The following ANKRD11 variants were observed in gnomAD, a reference collection of about 807,000 sequenced individuals.
The protein encoded by ANKRD11 is ankyrin repeat domain 11.
ANKRD11 carries 17 observed loss-of-function variants against 195.7 expected under a neutral mutation model. The ratio of observed to expected loss-of-function variants is 0.09; its 90% CI spans 0.06 to 0.13. ANKRD11 has a LOEUF of 0.13. Ranked by LOEUF, ANKRD11 falls within the 10% of genes least tolerant of loss-of-function variation. ANKRD11 has a pLI of 1.00. For missense variants in ANKRD11, 3,735 were observed against 3,566.1 expected (o/e 1.05, Z -1.21); for synonymous variants, 1,953 against 1,528.1 (o/e 1.28, Z -6.49).
intron 1 of ANKRD11, among the ~76,000 whole-genome samples, chr16:89,462,827 G>A (rs1294445672): frequency 6.7e-6 from 1 of 149,350 alleles, no homozygotes; most frequent in Non-Finnish European, 1.5e-5. Flanking sequence ...GAGCCCCTCC[G>A]CCCGGCAGCC....
intron 6 of ANKRD11, chr16:89,289,006 C>T (rs974391873): frequency 3.7e-5 from 15 of 405,826 alleles, no homozygotes; most frequent in Admixed American, 2.7e-4. Flanking sequence ...GATCTGGAGG[C>T]GTATGTGCCT....
chr16:89,310,062 C>T (rs3096300), intron 3 of ANKRD11, among the ~76,000 whole-genome samples: 116,202 of 152,212 alleles, frequency 0.76, 44,791 homozygotes, highest in African/African-American at 0.83. Context: ...AAAATGGCCA[C>T]GTCCAGTTGA....
chr16:89,433,959 G>A (rs889865283), intron 1 of ANKRD11, among the ~76,000 whole-genome samples: 4 of 152,216 alleles, frequency 2.6e-5, no homozygotes, highest in African/African-American at 9.6e-5. Flanking sequence ...TAAGGGAGAA[G>A]GGGACATGGA....
intron 9 of ANKRD11, among the ~76,000 whole-genome samples, chr16:89,275,933 C>G (rs1016644714): frequency 1.3e-5 from 2 of 152,224 alleles, no homozygotes; most frequent in Non-Finnish European, 2.9e-5. Context: ...CAGCAGAGAC[C>G]TCAGGCCCAC....
At chr16:89,371,005 T>C (rs2040168414) in intron 2 of ANKRD11, among the ~76,000 whole-genome samples, 1 of 151,966 alleles carries the variant, frequency 6.6e-6, no homozygotes. Context: ...GCTCTCCTAG[T>C]TGAGAAAAAT....
chr16:89,403,529 G>C (rs528565041), intron 2 of ANKRD11: 26 of 152,086 alleles, frequency 1.7e-4, no homozygotes, highest in African/African-American at 5.8e-4. Context: ...GCTCAACTAC[G>C]ACTGGGCAAT....
chr16:89,305,228 C>T lies in ANKRD11; in HGVS notation c.204G>A (p.Gly68=), dbSNP rs2036113925. The part of the protein sequence containing the change: ...RKLPFTAGAN[G]EQKDSDTEKQ... ...TACCTGTGTCCGAGTCCTTCTGCTC[C>T]CCATTGGCGCCCGCGGTGAAGGGCA... Residue 68 remains glycine (G), a synonymous_variant, in exon 4 of 13, where the codon GGG becomes GGA. Coordinates refer to ENST00000301030, the MANE Select transcript of ANKRD11 (RefSeq NM_013275.6). 6.2e-7 allele frequency: 1 copy of T among 1,613,512 alleles called. No individual in the cohort carries two copies. Among genetic ancestry groups the T allele is most frequent in the Non-Finnish European group, 8.5e-7 (1 of 1,179,882 alleles).
chr16:89,482,289 C>G (rs1039728011), intron 1 of ANKRD11, among the ~76,000 whole-genome samples: 4 of 152,142 alleles, frequency 2.6e-5, no homozygotes, highest in African/African-American at 9.7e-5. Flanking sequence ...TCAGCCACAC[C>G]GTGCTTTACA....
At chr16:89,479,132 C>T (rs977759841) in intron 1 of ANKRD11, among the ~76,000 whole-genome samples, 1 of 152,126 alleles carries the variant, frequency 6.6e-6, no homozygotes, top group African/African-American at 2.4e-5. Context: ...CAAGTCACGC[C>T]ACCACCTACC....
At chr16:89,352,183 C>A (rs955378868) in intron 2 of ANKRD11, among the ~76,000 whole-genome samples, 1 of 152,108 alleles carries the variant, frequency 6.6e-6, no homozygotes, top group Non-Finnish European at 1.5e-5. Context: ...AGCCATTGCA[C>A]CTGGCCGATT....
chr16:89,280,192 G>A lies in ANKRD11; in HGVS notation c.6350C>T (p.Pro2117Leu), dbSNP rs749269329. Residue 2117 changes from proline (P) to leucine (L), a missense_variant, in exon 9 of 13, where the codon CCG (proline) becomes CTG (leucine). Coordinates refer to ENST00000301030, the MANE Select transcript of ANKRD11 (RefSeq NM_013275.6). Reference protein sequence around the residue: ...RGLSHLGQVEPVPWADAFAGP... With the variant: ...RGLSHLGQVELVPWADAFAGP... ...GGCGAAGGCGTCCGCCCAGGGCACCGGCTCCACCTGGCCGAGGTGAGACAG... is the reference window on the plus strand; with the variant it reads ...GGCGAAGGCGTCCGCCCAGGGCACCAGCTCCACCTGGCCGAGGTGAGACAG... The A allele has an allele frequency of 2.9e-5, 46 of 1,608,266 alleles. No individual in the cohort carries two copies. The highest frequency in any genetic ancestry group is 6.6e-5 in the South Asian group (6 of 90,868).
intron 2 of ANKRD11, among the ~76,000 whole-genome samples, chr16:89,384,827 A>G (rs559632849): frequency 6.6e-6 from 1 of 150,892 alleles, no homozygotes; most frequent in South Asian, 2.1e-4. Flanking sequence ...GCAGGTGAGA[A>G]CATACGTGTG....
At chr16:89,455,286 G>A (rs961094724) in intron 1 of ANKRD11, among the ~76,000 whole-genome samples, 10 of 146,088 alleles carry the variant, frequency 6.8e-5, no homozygotes, top group African/African-American at 1.0e-4. Flanking sequence ...TGCTTCTAGC[G>A]TTCCTCAAGC....
chr16:89,380,979 G>T (rs1217581846), intron 2 of ANKRD11, among the ~76,000 whole-genome samples: 1 of 152,126 alleles, frequency 6.6e-6, no homozygotes, highest in Non-Finnish European at 1.5e-5. Flanking sequence ...GGTTCTAAGG[G>T]GCTCCGAGTG....
chr16:89,332,029 C>T (rs2038094539), intron 2 of ANKRD11, among the ~76,000 whole-genome samples: 1 of 152,054 alleles, frequency 6.6e-6, no homozygotes, highest in Admixed American at 6.5e-5. Flanking sequence ...GCTGATGCCT[C>T]TAATCCCAGA....
At chr16:89,325,433 C>T (rs1377169324) in intron 2 of ANKRD11, among the ~76,000 whole-genome samples, 1 of 136,894 alleles carries the variant, frequency 7.3e-6, no homozygotes, top group African/African-American at 2.9e-5. Flanking sequence ...GCCAGACCCT[C>T]TCCCCTCTCC....
In ANKRD11 at chr16:89,464,456, A is replaced by G. The variant is rs2056812283; in HGVS notation, c.-145+25789T>C. 2.0e-5 allele frequency among the ~76,000 whole-genome samples: 3 copies of G among 150,602 alleles called. No homozygotes were observed. In the South Asian group the frequency reaches 6.3e-4, roughly 32 times the overall value. The stretch of plus-strand genomic sequence containing the variant: ...ACCTCATCTCTACTAAAAATACAAA[A>G]AATTAGCTGGGCGTGGGGTCAGACA... On this transcript the variant is annotated intron_variant, in intron 1 of 12. Coordinates refer to ENST00000301030, the MANE Select transcript of ANKRD11 (RefSeq NM_013275.6).
chr16:89,282,548 C>T lies in ANKRD11; in HGVS notation c.3994G>A (p.Asp1332Asn), dbSNP rs780063272. Residue 1332 changes from aspartate (D) to asparagine (N), a missense_variant, in exon 9 of 13, where the codon GAC becomes AAC. Coordinates refer to ENST00000301030, the MANE Select transcript of ANKRD11 (RefSeq NM_013275.6). Reference sequence around the variant, plus strand: ...AGGCAGGCGCTCTCCCTCGGCTTGTCGTCTCCAGGTGGCTCCGTGAAAGAG... The same window carrying T: ...AGGCAGGCGCTCTCCCTCGGCTTGTTGTCTCCAGGTGGCTCCGTGAAAGAG... ...EVSFTEPPGD[D>N]KPRESACLPE... 1.6e-5 allele frequency: 26 copies of T among 1,613,898 alleles called. No individual in the cohort carries two copies. Among genetic ancestry groups the T allele is most frequent in the Admixed American group, 1.7e-5 (1 of 60,002 alleles).
intron 4 of ANKRD11, among the ~76,000 whole-genome samples, chr16:89,302,650 A>G (rs760836246): frequency 2.6e-5 from 4 of 152,204 alleles, no homozygotes; most frequent in Non-Finnish European, 4.4e-5. Context: ...TAGGAAATCT[A>G]GTTTTGCAAC....
Sources: gnomAD v4.1 joint callset for allele counts (sites outside exome capture counted in the v4.1 genomes callset) on GRCh38, gnomAD v4.1.1 for gene constraint, MANE v1.5 for transcripts, NCBI Gene and HGNC (gene_info 2026-07-23, HGNC 2026-07-21) for gene names.